GLMN: variants seen among roughly 807,000 people sequenced by gnomAD.
GLMN encodes glomulin.
Under a neutral mutation model 87.8 loss-of-function variants are expected in GLMN, and 75 were observed. That is an observed-to-expected ratio of 0.85 (90% CI 0.71 to 1.04). The LOEUF (loss-of-function observed/expected upper bound fraction) is 1.04. Ranked by LOEUF, GLMN falls within the 50% of genes least tolerant of loss-of-function variation. The probability of loss-of-function intolerance (pLI) is 0.00; values close to 1 mark genes in which losing one functional copy is unlikely to be tolerated. For synonymous variants in GLMN, 206 were observed against 221.6 expected, an observed-to-expected ratio of 0.93 and a Z score of 0.63; for missense variants, 588 against 658.8, an observed-to-expected ratio of 0.89 and a Z score of 1.18.
At chr1:92,329,484 C>T in the GLMN span, among the ~76,000 whole-genome samples, 1 of 152,140 alleles carries the variant, frequency 6.6e-6, no homozygotes, top group Admixed American at 6.5e-5. Context: ...TTCCAGGCAG[C>T]TGATGAGCAG....
chr1:92,317,323 A>G, the GLMN span, among the ~76,000 whole-genome samples: 2,960 of 152,218 alleles, frequency 0.019, 120 homozygotes, highest in African/African-American at 0.067. Flanking sequence ...CCTGGCCAAC[A>G]TGGTGAAACC....
In GLMN at chr1:92,263,664, G is replaced by GTGC; in HGVS notation, c.1367_1368insGCA (p.Leu456_Pro457insHis). 1 of 1,593,878 alleles carries GTGC rather than the reference G, an allele frequency of 6.3e-7. No individual in the cohort carries two copies. The highest frequency in any genetic ancestry group is 8.6e-7 in the Non-Finnish European group (1 of 1,161,570). ...GTAAATCTGTTTCTGCACCCTCTGG[G>GTGC]AGAAAAAGTACCAAATCAAGAAGGG... is the stretch of plus-strand genomic sequence containing the variant. On this transcript the variant is annotated inframe_insertion, in exon 15 of 19. Coordinates refer to ENST00000370360, the MANE Select transcript of GLMN (RefSeq NM_053274.3).
the GLMN span, among the ~76,000 whole-genome samples, chr1:92,325,355 G>A: frequency 6.6e-6 from 1 of 152,086 alleles, no homozygotes; most frequent in Non-Finnish European, 1.5e-5. Flanking sequence ...TCTATAGAGT[G>A]TTGCTTGGCC....
the GLMN span, among the ~76,000 whole-genome samples, chr1:92,359,156 G>T: frequency 2.6e-5 from 4 of 152,328 alleles, no homozygotes; most frequent in South Asian, 8.3e-4. Context: ...GACAAATTAT[G>T]AGAAACACTA....
chr1:92,364,461 C>A, the GLMN span, among the ~76,000 whole-genome samples: 2 of 152,164 alleles, frequency 1.3e-5, no homozygotes, highest in African/African-American at 2.4e-5. Context: ...AAAATGGTAT[C>A]TTCAGCTCTG....
the GLMN span, among the ~76,000 whole-genome samples, chr1:92,306,844 G>A: frequency 6.6e-6 from 1 of 152,074 alleles, no homozygotes; most frequent in African/African-American, 2.4e-5. Context: ...AGATAAGAAT[G>A]TATAACAATA....
chr1:92,307,301 C>T, the GLMN span: 3 of 1,422,900 alleles, frequency 2.1e-6, no homozygotes, highest in South Asian at 3.7e-5. Context: ...TGTGTATATA[C>T]ATTTGTTCAT....
the GLMN span, among the ~76,000 whole-genome samples, chr1:92,351,324 AAAAAG>A: frequency 1.3e-5 from 2 of 150,284 alleles, no homozygotes; most frequent in African/African-American, 2.5e-5. Flanking sequence ...AAAAAAAAAA[AAAAAG>A]AAAGGACCAT....
chr1:92,282,387 C>A (rs552058595), intron 7 of GLMN, among the ~76,000 whole-genome samples: 1 of 152,056 alleles, frequency 6.6e-6, no homozygotes, highest in Admixed American at 6.6e-5. Flanking sequence ...GGGTACATAA[C>A]GAAATGAAGG....
At chr1:92,255,969 A>G (rs1391465891) in intron 16 of GLMN, among the ~76,000 whole-genome samples, 1 of 152,238 alleles carries the variant, frequency 6.6e-6, no homozygotes, top group Non-Finnish European at 1.5e-5. Context: ...CAGTGAATCC[A>G]GAAGCTGCTT....
upstream of GLMN, chr1:92,299,199 C>T: frequency 8.4e-7 from 1 of 1,187,832 alleles, no homozygotes; most frequent in Non-Finnish European, 1.2e-6. Context: ...GGGCCCCGAT[C>T]TCGAGTTATA....
chr1:92,346,061 AAAC>A, the GLMN span: 1 of 526,956 alleles, frequency 1.9e-6, no homozygotes, highest in South Asian at 3.2e-5. Flanking sequence ...CTATGTAAGA[AAAC>A]AATTTTTATT....
the GLMN span, among the ~76,000 whole-genome samples, chr1:92,317,439 C>T: frequency 2.0e-5 from 3 of 151,712 alleles, no homozygotes; most frequent in Admixed American, 6.6e-5. Flanking sequence ...ACCTGGGAGG[C>T]GGAGGTTGCA....
At chr1:92,297,200 C>A (rs1470449778) in intron 3 of GLMN, among the ~76,000 whole-genome samples, 1 of 150,824 alleles carries the variant, frequency 6.6e-6, no homozygotes, top group Non-Finnish European at 1.5e-5. Context: ...GATCTGCCTG[C>A]CTTGGCCTCC....
intron 16 of GLMN, among the ~76,000 whole-genome samples, chr1:92,259,834 C>T (rs1432213837): frequency 4.1e-5 from 6 of 147,482 alleles, no homozygotes; most frequent in Non-Finnish European, 8.9e-5. Context: ...TCCCGGTTCA[C>T]GCCATTCTCC....
chr1:92,324,956 G>T, the GLMN span, among the ~76,000 whole-genome samples: 2 of 152,206 alleles, frequency 1.3e-5, no homozygotes, highest in African/African-American at 2.4e-5. Context: ...TAGTTTCTTG[G>T]TCTGTTTGCT....
At chr1:92,255,126 C>T (rs574297237) in intron 16 of GLMN, among the ~76,000 whole-genome samples, 52 of 149,890 alleles carry the variant, frequency 3.5e-4, no homozygotes, top group African/African-American at 1.1e-3. Context: ...TCTGATAAAA[C>T]AGACTTTAAA....
chr1:92,270,309 T>G (rs937191551), intron 8 of GLMN, among the ~76,000 whole-genome samples: 13 of 152,210 alleles, frequency 8.5e-5, no homozygotes, highest in Non-Finnish European at 1.6e-4. Context: ...AATGTGATGC[T>G]TAAGAGTATA....
At chr1:92,354,038 G>A in the GLMN span, among the ~76,000 whole-genome samples, 2 of 152,064 alleles carry the variant, frequency 1.3e-5, no homozygotes, top group Admixed American at 6.6e-5. Flanking sequence ...CAAGGATCCT[G>A]AGCAAAAAGA....
Sources: allele counts gnomAD v4.1 joint callset (sites outside exome capture counted in the v4.1 genomes callset), GRCh38; gene constraint gnomAD v4.1.1; transcripts MANE v1.5; gene names NCBI Gene and HGNC (gene_info 2026-07-23, HGNC 2026-07-21).